Variants in ANKRD31 observed in about 807,000 individuals in gnomAD.
ANKRD31 encodes ankyrin repeat domain 31, also known as ankyrin repeat domain-containing protein 31.
ANKRD31 carries 147 observed loss-of-function variants against 186.0 expected under a neutral mutation model. That is an observed-to-expected ratio of 0.79 (90% CI 0.69 to 0.91). ANKRD31 has a LOEUF of 0.91. Ranked by LOEUF, ANKRD31 falls within the 40% of genes least tolerant of loss-of-function variation. The pLI is 0.00. For synonymous variants in ANKRD31, 673 were observed against 736.4 expected, an observed-to-expected ratio of 0.91 and a Z score of 1.39; for missense variants, 1,986 against 2,148.8, an observed-to-expected ratio of 0.92 and a Z score of 1.50.
In ANKRD31 at chr5:75,210,712, C is replaced by A. The variant is rs1009847833; in HGVS notation, c.326+116G>T. 20 of 681,314 alleles carry A rather than the reference C, an allele frequency of 2.9e-5. No homozygotes were observed. In the Admixed American group the frequency reaches 3.5e-4, roughly 12 times the overall value. 42.2% of individuals were successfully genotyped at this position (681,314 alleles called of 1,614,324 possible). ...ACATATACTTTTGCTACAAAATGGG[C>A]AATTATTCAAAAATATACAATAATT... On this transcript the variant is annotated intron_variant, in intron 4 of 25. Coordinates refer to ENST00000506364, the MANE Select transcript of ANKRD31 (RefSeq NM_001372053.1).
Position 75,146,452 on chromosome 5 carries a change from C to A in ANKRD31, c.2959G>T (p.Ala987Ser). Reference sequence around the variant, plus strand: ...CCAAATATGCATTGTTCATAATTTGCAACATGTTCAGAAATAACTGCATTA... The same window carrying A: ...CCAAATATGCATTGTTCATAATTTGAAACATGTTCAGAAATAACTGCATTA... ...SDNAVISEHVANYEQCIFGPS... is the reference protein window; with the variant it reads ...SDNAVISEHVSNYEQCIFGPS... The change falls in exon 14 of 26, where the codon GCA becomes TCA. Residue 987 changes from alanine (A) to serine (S), a missense_variant. Physicochemically the swap from Ala to Ser is moderately conservative, Grantham distance 99 (BLOSUM62 1). Coordinates refer to ENST00000506364, the MANE Select transcript of ANKRD31 (RefSeq NM_001372053.1). 1 of 1,536,366 alleles carries A rather than the reference C, an allele frequency of 6.5e-7. No homozygotes were observed. The highest frequency in any genetic ancestry group is 8.7e-7 in the Non-Finnish European group (1 of 1,146,428).
At chr5:75,230,451 C>T (rs1757881162) in intron 2 of ANKRD31, 111 bp downstream of exon 2, 13 of 773,822 alleles carry the variant, frequency 1.7e-5, no homozygotes, top group Admixed American at 6.8e-5. Flanking sequence ...AATTGGTTTC[C>T]TTATAATTCA....
intron 23 of ANKRD31, among the ~76,000 whole-genome samples, chr5:75,087,183 A>G (rs1408786984): frequency 6.6e-6 from 1 of 152,130 alleles, no homozygotes; most frequent in African/African-American, 2.4e-5. Context: ...ATATATCTTC[A>G]GAAAAACCAT....
chr5:75,193,592 C>G lies in ANKRD31; in HGVS notation c.1018-1G>C, dbSNP rs956828781. ...CAGATGGATTTGGGTCTTGCAGAGT[C>G]TGCAAATACGTAAATACATCCACAA... On this transcript the variant is annotated splice_acceptor_variant, in intron 7 of 25. Coordinates refer to ENST00000506364, the MANE Select transcript of ANKRD31 (RefSeq NM_001372053.1). LOFTEE classifies it high-confidence loss of function. 1 of 1,528,630 alleles carries G rather than the reference C, an allele frequency of 6.5e-7. No homozygotes were observed. The highest frequency in any genetic ancestry group is 1.4e-5 in the African/African-American group (1 of 72,616). 94.7% of individuals were successfully genotyped at this position (1,528,630 alleles called of 1,614,324 possible). A position where few individuals can be genotyped will look rare whatever the true frequency, so the allele number is the denominator to read the frequency against.
chr5:75,120,756 C>T (rs1748697309), intron 17 of ANKRD31, among the ~76,000 whole-genome samples: 1 of 152,030 alleles, frequency 6.6e-6, no homozygotes, highest in South Asian at 2.1e-4. Flanking sequence ...GGAAGAAAAC[C>T]TCACGTATCA....
chr5:75,117,532 T>C (rs1220673523), intron 18 of ANKRD31, among the ~76,000 whole-genome samples: 1 of 152,184 alleles, frequency 6.6e-6, no homozygotes, highest in Non-Finnish European at 1.5e-5. Context: ...GTTGGTAGGC[T>C]AGGGGAGAAG....
Position 75,195,670 on chromosome 5 carries a change from A to G in ANKRD31, c.978T>C (p.Asn326=), listed in dbSNP as rs777812660. 3.3e-6 allele frequency: 5 copies of G among 1,536,418 alleles called. No individual in the cohort carries two copies. The highest frequency in any genetic ancestry group is 4.4e-6 in the Non-Finnish European group (5 of 1,146,362). Residue 326 remains asparagine, a synonymous_variant, in exon 7 of 26, where the codon AAT becomes AAC. Coordinates refer to ENST00000506364, the MANE Select transcript of ANKRD31 (RefSeq NM_001372053.1). The part of the protein sequence containing the change: ...ARNECLEVEF[N]TSQTNEDCTQ... ...TACAATCTTCATTGGTCTGAGACGT[A>G]TTGAACTCCACTTCTAAACATTCAT...
At chr5:75,095,097 C>A (rs903933795) in intron 22 of ANKRD31, among the ~76,000 whole-genome samples, 1 of 152,096 alleles carries the variant, frequency 6.6e-6, no homozygotes, top group African/African-American at 2.4e-5. Flanking sequence ...ACTTCAATAT[C>A]CCACTTTCAA....
chr5:75,208,425 C>T (rs992546245), intron 4 of ANKRD31, among the ~76,000 whole-genome samples: 1 of 152,104 alleles, frequency 6.6e-6, no homozygotes, highest in Non-Finnish European at 1.5e-5. Context: ...CCTCACCCCC[C>T]ACCCCATTTC....
At chr5:75,222,391 A>T in intron 2 of ANKRD31, 33 bp from the exon 3 acceptor site, 1 of 1,454,818 alleles carries the variant, frequency 6.9e-7, no homozygotes, top group Non-Finnish European at 9.3e-7. Flanking sequence ...ATCATTTACA[A>T]CAGTTTTATT....
chr5:75,183,106 G>T (rs936841015), intron 10 of ANKRD31, among the ~76,000 whole-genome samples: 2 of 152,116 alleles, frequency 1.3e-5, no homozygotes, highest in South Asian at 2.1e-4. Context: ...GATTTAACAT[G>T]CACAAACCAA....
In ANKRD31 at chr5:75,195,978, A is replaced by G. The variant is rs746103498; in HGVS notation, c.670T>C (p.Leu224=). The G allele has an allele frequency of 2.6e-6, 4 of 1,531,780 alleles. No homozygotes were observed. The highest frequency in any genetic ancestry group is 3.5e-6 in the Non-Finnish European group (4 of 1,144,652). 94.9% of individuals were successfully genotyped at this position (1,531,780 alleles called of 1,614,324 possible). A position where few individuals can be genotyped will look rare whatever the true frequency, so the allele number is the denominator to read the frequency against. The stretch of plus-strand genomic sequence containing the variant: ...TCTGGTGATGTAAGTAAACTTTCTA[A>G]GGCAGACACAAAGGTTTCAAGAGAG... ...ESSLETFVSA[L]ESLLTSPEST... is the part of the protein sequence containing the mutation. Residue 224 remains leucine (L), a synonymous_variant, in exon 7 of 26, where the codon TTA becomes CTA. Coordinates refer to ENST00000506364, the MANE Select transcript of ANKRD31 (RefSeq NM_001372053.1).
At chr5:75,114,188 A>G (rs570945320) in intron 19 of ANKRD31, among the ~76,000 whole-genome samples, 11 of 152,176 alleles carry the variant, frequency 7.2e-5, no homozygotes, top group Non-Finnish European at 1.6e-4. Context: ...GTTTATTACT[A>G]TAAACCATAT....
At chr5:75,181,095 A>T (rs1162514826) in intron 10 of ANKRD31, among the ~76,000 whole-genome samples, 1 of 152,180 alleles carries the variant, frequency 6.6e-6, no homozygotes, top group Non-Finnish European at 1.5e-5. Context: ...GACACTTCTC[A>T]AAAGAAGACA....
chr5:75,226,878 GA>G (rs1403226450), intron 2 of ANKRD31, among the ~76,000 whole-genome samples: 1 of 152,120 alleles, frequency 6.6e-6, no homozygotes, highest in African/African-American at 2.4e-5. Context: ...CACAGAAAAA[GA>G]AATACAGCTA....
At chr5:75,117,872 A>G (rs1340251367) in intron 18 of ANKRD31, among the ~76,000 whole-genome samples, 11 of 152,128 alleles carry the variant, frequency 7.2e-5, no homozygotes, top group African/African-American at 2.4e-4. Context: ...CTCAAACCCA[A>G]TGTTAGGGAC....
At chr5:75,106,023 C>G (rs1049342292) in intron 21 of ANKRD31, among the ~76,000 whole-genome samples, 1 of 152,084 alleles carries the variant, frequency 6.6e-6, no homozygotes, top group Admixed American at 6.6e-5. Flanking sequence ...TTGTACTCTT[C>G]AAAATTACTG....
At chr5:75,120,277 C>T (rs114059415) in intron 17 of ANKRD31, among the ~76,000 whole-genome samples, 6,772 of 152,158 alleles carry the variant, frequency 0.045, 358 homozygotes, top group African/African-American at 0.12. Flanking sequence ...CACTTCTAGT[C>T]TCAGCTACTT....
At chr5:75,105,720 T>A (rs761603591) in intron 21 of ANKRD31, among the ~76,000 whole-genome samples, 35 of 152,154 alleles carry the variant, frequency 2.3e-4, no homozygotes, top group Non-Finnish European at 4.6e-4. Flanking sequence ...TTGTGAATAA[T>A]CATACTTCAG....
Sources: gnomAD v4.1 joint callset for allele counts (sites outside exome capture counted in the v4.1 genomes callset) on GRCh38, gnomAD v4.1.1 for gene constraint, MANE v1.5 for transcripts, NCBI Gene and HGNC (gene_info 2026-07-23, HGNC 2026-07-21) for gene names.